The following NXN variants were observed in gnomAD, a reference collection of about 807,000 sequenced individuals.
NXN encodes the protein nucleoredoxin, also known as nucleoredoxin 1.
Under a neutral mutation model 48.6 loss-of-function variants are expected in NXN, and 16 were observed. The observed-to-expected ratio is 0.33, with a 90% CI of 0.22 to 0.50. The LOEUF (loss-of-function observed/expected upper bound fraction) is 0.50, where lower values mean the gene tolerates loss of function less well. Among genes scored for constraint, NXN ranks in the 20% least tolerant of loss-of-function variants. The pLI is 0.98. For synonymous variants in NXN, 281 were observed against 269.6 expected (o/e 1.04, Z -0.41); for missense variants, 492 against 605.5 (o/e 0.81, Z 1.97).
intron 1 of NXN, among the ~76,000 whole-genome samples, chr17:925,122 G>C (rs925880604): frequency 6.6e-6 from 1 of 152,218 alleles, no homozygotes; most frequent in South Asian, 2.1e-4. Context: ...TCAGGCTTTG[G>C]TGTCTCGCAG....
intron 1 of NXN, among the ~76,000 whole-genome samples, chr17:850,335 G>C (rs550463989): frequency 1.6e-4 from 24 of 152,184 alleles, no homozygotes; most frequent in Non-Finnish European, 3.2e-4. Flanking sequence ...GATGCCTTCA[G>C]ACAAGGGAGC....
At position 978,389 on chromosome 17, in the gene NXN, G is replaced by C. The variant is rs2069486112; in HGVS notation, c.360+930C>G. On this transcript the variant is annotated intron_variant, in intron 1 of 7. Transcript: ENST00000336868. This position sits in a 1 kb window ranked among gnomAD's most constrained non-coding sequence, Gnocchi z 4.1. ...CACTCAGAAACCCAAACTCAACTCG[G>C]CAGCAAACTGGGAGACACGAGAAGT... 1 of 152,264 alleles carries C rather than the reference G, an allele frequency of 6.6e-6. No homozygotes were observed. Among genetic ancestry groups the C allele is most frequent in the Non-Finnish European group, 1.5e-5 (1 of 68,114 alleles). 9.4% of individuals were successfully genotyped at this position (152,264 alleles called of 1,614,324 possible). A position where few individuals can be genotyped will look rare whatever the true frequency, so the allele number is the denominator to read the frequency against.
At chr17:815,067 G>A (rs1432356333) in intron 5 of NXN, among the ~76,000 whole-genome samples, 2 of 152,232 alleles carry the variant, frequency 1.3e-5, no homozygotes, top group East Asian at 1.9e-4. Context: ...TGCCTAGGCA[G>A]TAGTTACAAA....
At chr17:937,310 A>C (rs148291663) in intron 1 of NXN, among the ~76,000 whole-genome samples, 1 of 152,188 alleles carries the variant, frequency 6.6e-6, no homozygotes, top group Non-Finnish European at 1.5e-5. Flanking sequence ...CAGGGCAAAA[A>C]AGAAGAGCCC....
chr17:953,396 C>T (rs2069134041), intron 1 of NXN, among the ~76,000 whole-genome samples: 1 of 152,120 alleles, frequency 6.6e-6, no homozygotes, highest in Non-Finnish European at 1.5e-5. Context: ...GCCTGGGAGA[C>T]AGAGCGAGAC....
chr17:853,768 G>A (rs961799806), intron 1 of NXN, among the ~76,000 whole-genome samples: 5 of 144,598 alleles, frequency 3.5e-5, no homozygotes, highest in African/African-American at 1.3e-4. Flanking sequence ...TGTCGCCCAG[G>A]CTGGAGTGCA....
intron 1 of NXN, among the ~76,000 whole-genome samples, chr17:973,388 A>G (rs1392728311): frequency 1.3e-5 from 2 of 152,230 alleles, no homozygotes; most frequent in Non-Finnish European, 2.9e-5. Context: ...AGCGGAAGAC[A>G]CACCTAATAG....
chr17:812,910 G>A (rs1912226450), intron 5 of NXN, among the ~76,000 whole-genome samples: 1 of 138,978 alleles, frequency 7.2e-6, no homozygotes, highest in African/African-American at 2.6e-5. Flanking sequence ...GTGCATGTGT[G>A]ACTGTAGGTG....
chr17:852,614 G>A (rs1201521556), intron 1 of NXN, among the ~76,000 whole-genome samples: 7 of 152,180 alleles, frequency 4.6e-5, no homozygotes, highest in Admixed American at 2.0e-4. Context: ...TCCTGGAAGC[G>A]GATATGGAGC....
intron 1 of NXN, among the ~76,000 whole-genome samples, chr17:840,501 A>G (rs144103803): frequency 0.047 from 7,194 of 152,080 alleles, 290 homozygotes; most frequent in East Asian, 0.24. Flanking sequence ...CACCACGCAC[A>G]GCTAATTTTT....
At chr17:975,810 T>G (rs747466140) in intron 1 of NXN, among the ~76,000 whole-genome samples, 1 of 152,224 alleles carries the variant, frequency 6.6e-6, no homozygotes, top group Non-Finnish European at 1.5e-5. Context: ...TCTCCAGTCT[T>G]GACGAGTGAG....
Position 801,131 on chromosome 17 carries a change from C to T in NXN, c.1126G>A (p.Asp376Asn). ...APLLFFVAGE[D>N]DMTDSLRDYT... ...TCTCGCAGGGAGTCAGTCATGTCAT[C>T]CTGAAGCCGTCAGGAGGGAGAGAAA... Residue 376 changes from aspartate (D) to asparagine (N), a missense_variant and splice_region_variant, in exon 8 of 8, where the codon GAT becomes AAT. Asp to Asn is a conservative substitution (Grantham distance 23). Coordinates refer to ENST00000336868, the MANE Select transcript of NXN (RefSeq NM_022463.5). The T allele has an allele frequency of 6.5e-7, 1 of 1,527,294 alleles. No homozygotes were observed. Among genetic ancestry groups the T allele is most frequent in the Non-Finnish European group, 8.8e-7 (1 of 1,135,736 alleles). The allele number at this position is 1,527,294 out of a possible 1,614,324, so 94.6% of individuals were successfully genotyped here. A position where few individuals can be genotyped will look rare whatever the true frequency, so the allele number is the denominator to read the frequency against.
At chr17:834,811 GTGTC>G (rs1437955927) in intron 1 of NXN, among the ~76,000 whole-genome samples, 2 of 151,794 alleles carry the variant, frequency 1.3e-5, no homozygotes, top group Non-Finnish European at 2.9e-5. Flanking sequence ...GTGAGCCACT[GTGTC>G]TGGCTAATTT....
At chr17:850,968 A>T (rs2067917318) in intron 1 of NXN, among the ~76,000 whole-genome samples, 1 of 152,198 alleles carries the variant, frequency 6.6e-6, no homozygotes, top group Non-Finnish European at 1.5e-5. Flanking sequence ...CCAGTGAATC[A>T]GACCCGGACG....
intron 7 of NXN, among the ~76,000 whole-genome samples, chr17:801,468 T>C (rs1279657748): frequency 2.9e-4 from 42 of 143,010 alleles, no homozygotes; most frequent in Admixed American, 1.7e-3. Context: ...TTTTTTGAGA[T>C]GGAGTCTCGC....
chr17:814,337 T>C (rs578075612), intron 5 of NXN, among the ~76,000 whole-genome samples: 5 of 152,252 alleles, frequency 3.3e-5, no homozygotes, highest in South Asian at 4.1e-4. Context: ...GGCCTGAGCG[T>C]TGGCCACCAG....
In NXN at chr17:849,149, A is replaced by G. The variant is rs1450500932; in HGVS notation, c.361-23071T>C. Among the ~76,000 whole-genome samples the G allele has an allele frequency of 2.0e-5, 3 of 150,968 alleles. No individual in the cohort carries two copies. Among genetic ancestry groups the G allele is most frequent in the African/African-American group, 7.3e-5 (3 of 41,236 alleles). On this transcript the variant is annotated intron_variant, in intron 1 of 7. Coordinates refer to ENST00000336868, the MANE Select transcript of NXN (RefSeq NM_022463.5). The surrounding 1 kb of genome is among the most constrained non-coding windows in gnomAD (Gnocchi z 4.2). ...CCACACCCTTTGTTCCACGGCAGGCAATCATGGTGGGTGTGCACGCTTGAT... is the reference window on the plus strand; with the variant it reads ...CCACACCCTTTGTTCCACGGCAGGCGATCATGGTGGGTGTGCACGCTTGAT...
At chr17:950,006 C>G (rs746399425) in intron 1 of NXN, among the ~76,000 whole-genome samples, 3 of 152,078 alleles carry the variant, frequency 2.0e-5, no homozygotes, top group Non-Finnish European at 2.9e-5. Flanking sequence ...AATTAGTAGG[C>G]TGAAGACAGC....
chr17:885,562 C>T (rs561834184), intron 1 of NXN, among the ~76,000 whole-genome samples: 3 of 151,516 alleles, frequency 2.0e-5, no homozygotes, highest in East Asian at 1.9e-4. Flanking sequence ...TTCTCATAAT[C>T]GTTTCTTAGC....
Sources: allele counts gnomAD v4.1 joint callset (sites outside exome capture counted in the v4.1 genomes callset), GRCh38; gene constraint gnomAD v4.1.1; non-coding constraint Gnocchi (gnomAD v3.1); transcripts MANE v1.5; gene names NCBI Gene and HGNC (gene_info 2026-07-23, HGNC 2026-07-21).